The following ORC3 variants were observed in gnomAD, a reference collection of about 807,000 sequenced individuals.
ORC3 encodes the protein homolog of latheo, Drosophila.
ORC3 carries 78 observed loss-of-function variants against 100.7 expected under a neutral mutation model. That is an observed-to-expected ratio of 0.77 (90% CI 0.65 to 0.94). The LOEUF is 0.94. ORC3 is among the 40% of genes least tolerant of loss of function. ORC3 has a pLI of 0.00. For synonymous variants in ORC3, 295 were observed against 289.3 expected (o/e 1.02, Z -0.20); for missense variants, 789 against 823.9 (o/e 0.96, Z 0.52).
Position 87,616,444 on chromosome 6 carries a change from G to T in ORC3, c.987+17G>T. 1 of 1,001,192 alleles carries T rather than the reference G, an allele frequency of 1.0e-6. No individual in the cohort carries two copies. Among genetic ancestry groups the T allele is most frequent in the South Asian group, 1.3e-5 (1 of 75,928 alleles). The allele number at this position is 1,001,192 out of a possible 1,614,324, so 62.0% of individuals were successfully genotyped here. A position where few individuals can be genotyped will look rare whatever the true frequency, so the allele number is the denominator to read the frequency against. On this transcript the variant is annotated intron_variant, in intron 9 of 19. Transcript: ENST00000392844. ...GGACTTCAGGTAAGAACACAGTAAT[G>T]GGTTTGAAAATTCTCAAGCTGATTC...
Position 87,624,427 on chromosome 6 carries a change from T to C in ORC3, c.1185+2414T>C, listed in dbSNP as rs980732415. On this transcript the variant is annotated intron_variant, in intron 11 of 19. Transcript: ENST00000392844. Reference sequence around the variant, plus strand: ...TGAACCTGGGAGGTGGAGGTTGCAGTGAGCCAAGATCATGCCCTAGCGTCG... The same window carrying C: ...TGAACCTGGGAGGTGGAGGTTGCAGCGAGCCAAGATCATGCCCTAGCGTCG... Among the ~76,000 whole-genome samples the C allele has an allele frequency of 2.0e-5, 3 of 152,184 alleles. No homozygotes were observed. In the East Asian group the frequency reaches 5.8e-4, roughly 29 times the overall value.
At chr6:87,618,968 T>A (rs1489244203) in intron 9 of ORC3, among the ~76,000 whole-genome samples, 2 of 152,152 alleles carry the variant, frequency 1.3e-5, no homozygotes, top group Non-Finnish European at 2.9e-5. Flanking sequence ...GTGTTAGACA[T>A]AAAGATTTTG....
chr6:87,664,087 T>C (rs1770412531), intron 17 of ORC3, among the ~76,000 whole-genome samples: 2 of 152,178 alleles, frequency 1.3e-5, no homozygotes, highest in African/African-American at 4.8e-5. Context: ...TTACAAAATC[T>C]GTCTTCTTCT....
intron 1 of ORC3, among the ~76,000 whole-genome samples, chr6:87,592,902 G>A (rs1366375782): frequency 2.0e-5 from 3 of 152,002 alleles, no homozygotes; most frequent in Non-Finnish European, 4.4e-5. Context: ...GACCAGCCTG[G>A]CCAACATAGT....
chr6:87,665,343 C>A (rs550072277), intron 18 of ORC3, among the ~76,000 whole-genome samples: 1 of 152,216 alleles, frequency 6.6e-6, no homozygotes, highest in Admixed American at 6.5e-5. Context: ...AACAACTATT[C>A]TTTCTGTCTT....
Position 87,594,713 on chromosome 6 carries a change from T to G in ORC3, c.79+306T>G, listed in dbSNP as rs184131860. 73 of 293,348 alleles carry G rather than the reference T, an allele frequency of 2.5e-4. No individual in the cohort carries two copies. In the East Asian group the frequency reaches 7.8e-3, roughly 32 times the overall value. 18.2% of individuals were successfully genotyped at this position (293,348 alleles called of 1,614,324 possible). ...CTGCCATTGTTTTTTTATCTACAAC[T>G]TTAGAAATGAAAGTGAGTTTCTGCT... On this transcript the variant is annotated intron_variant, in intron 2 of 19. Transcript: ENST00000392844.
chr6:87,623,512 G>A (rs1056573221), intron 11 of ORC3, among the ~76,000 whole-genome samples: 1 of 152,174 alleles, frequency 6.6e-6, no homozygotes, highest in African/African-American at 2.4e-5. Flanking sequence ...TCAGAAGCCA[G>A]GAATAGATTT....
At chr6:87,601,684 A>G in intron 2 of ORC3, 100 bp from the exon 3 acceptor site, 6 of 707,994 alleles carry the variant, frequency 8.5e-6, no homozygotes, top group Non-Finnish European at 1.4e-5. Context: ...AAAAAAAAAA[A>G]ATTTCACTTC....
chr6:87,628,905 C>G (rs897036901), intron 11 of ORC3, among the ~76,000 whole-genome samples: 4 of 152,194 alleles, frequency 2.6e-5, no homozygotes, highest in South Asian at 2.1e-4. Context: ...CAATCACAGT[C>G]TATCAAATGT....
At chr6:87,599,051 G>A (rs946005890) in intron 2 of ORC3, among the ~76,000 whole-genome samples, 4 of 152,160 alleles carry the variant, frequency 2.6e-5, no homozygotes, top group South Asian at 4.1e-4. Flanking sequence ...AATAGGAGCC[G>A]AGGCAGGTAG....
chr6:87,590,497 C>T (rs562187322), intron 1 of ORC3, among the ~76,000 whole-genome samples: 3 of 152,210 alleles, frequency 2.0e-5, no homozygotes, highest in Non-Finnish European at 4.4e-5. Flanking sequence ...GCGCCAAGCA[C>T]TCCGTTAGGT....
chr6:87,646,854 A>T (rs1168974800), intron 13 of ORC3, among the ~76,000 whole-genome samples: 1 of 152,214 alleles, frequency 6.6e-6, no homozygotes, highest in East Asian at 1.9e-4. Flanking sequence ...CTCCACTTAG[A>T]TATCCAATAC....
At chr6:87,640,262 AT>A (rs1262276373) in intron 13 of ORC3, among the ~76,000 whole-genome samples, 1 of 152,174 alleles carries the variant, frequency 6.6e-6, no homozygotes, top group Non-Finnish European at 1.5e-5. Flanking sequence ...TTTAAAACAT[AT>A]TTACAGTGAC....
At chr6:87,607,603 A>G in intron 5 of ORC3, 70 bp from the exon 6 acceptor site, 1 of 1,273,488 alleles carries the variant, frequency 7.9e-7, no homozygotes, top group Admixed American at 2.4e-5. Context: ...CTCAGCAAGA[A>G]GTTTCAAGAG....
chr6:87,640,898 A>G (rs1040375732), intron 13 of ORC3, among the ~76,000 whole-genome samples: 2 of 152,178 alleles, frequency 1.3e-5, no homozygotes, highest in Non-Finnish European at 2.9e-5. Flanking sequence ...TCAGGAGATG[A>G]GGAGTTCGAG....
chr6:87,672,388 TAG>T (rs931017152), downstream of ORC3, among the ~76,000 whole-genome samples: 42 of 152,192 alleles, frequency 2.8e-4, no homozygotes, highest in African/African-American at 9.9e-4. Flanking sequence ...ATAGATGCAG[TAG>T]AGAGAGGAGA....
Position 87,636,530 on chromosome 6 carries a change from GCCTGCCAGTAAGTAGCACCTT to G in ORC3, c.1382+48_1382+68del, listed in dbSNP as rs756165980. ...GTTTTTCTATTTTTGTCTGCTATAA[GCCTGCCAGTAAGTAGCACCTT>G]CCTCTAGAACCCTGCCTGCCAAAAA... On this transcript the variant is annotated intron_variant, in intron 13 of 19. Transcript: ENST00000392844. 5.5e-6 allele frequency: 7 copies of G among 1,274,654 alleles called. No individual in the cohort carries two copies. The South Asian group carries it at 7.2e-5, about 13-fold the overall frequency. The allele number at this position is 1,274,654 out of a possible 1,614,324, so 79.0% of individuals were successfully genotyped here. A position where few individuals can be genotyped will look rare whatever the true frequency, so the allele number is the denominator to read the frequency against.
At chr6:87,617,270 A>G (rs1779225216) in intron 9 of ORC3, among the ~76,000 whole-genome samples, 1 of 152,112 alleles carries the variant, frequency 6.6e-6, no homozygotes, top group East Asian at 1.9e-4. Context: ...CATTTTCACT[A>G]GTTTCATGAA....
chr6:87,605,993 AG>A lies in ORC3; in HGVS notation c.400del (p.Val134SerfsTer11). Reference protein sequence around the residue: ...ALQNNVTPYVVSLQAKDCPDM... With the variant: ...ALQNNVTPYVXSLQAKDCPDM... Reference sequence around the variant, plus strand: ...TTCAGAATAATGTCACACCATATGTAGTCTCATTGCAAGCTAAAGATTGTCC... The same window carrying A: ...TTCAGAATAATGTCACACCATATGTATCTCATTGCAAGCTAAAGATTGTCC... On this transcript the variant is annotated frameshift_variant, in exon 5 of 20. Transcript: ENST00000392844. LOFTEE classifies it high-confidence loss of function. The A allele has an allele frequency of 6.3e-7, 1 of 1,596,918 alleles. No homozygotes were observed. The highest frequency in any genetic ancestry group is 1.1e-5 in the South Asian group (1 of 90,356).
Sources: gnomAD v4.1 joint callset for allele counts (sites outside exome capture counted in the v4.1 genomes callset) on GRCh38, gnomAD v4.1.1 for gene constraint, MANE v1.5 for transcripts, NCBI Gene and HGNC (gene_info 2026-07-23, HGNC 2026-07-21) for gene names.